The following MTUS2 variants were observed in gnomAD, a reference collection of about 807,000 sequenced individuals.
MTUS2 encodes microtubule-associated tumor suppressor candidate 2.
A neutral mutation model predicts 114.1 loss-of-function variants in MTUS2; 40 were observed. That is an observed-to-expected ratio of 0.35 (90% CI 0.27 to 0.46). The LOEUF (loss-of-function observed/expected upper bound fraction) is 0.46, where lower values mean the gene tolerates loss of function less well. MTUS2 is among the 20% of genes least tolerant of loss of function. The pLI, the probability that MTUS2 is intolerant of heterozygous loss-of-function variation, is 1.00. For synonymous variants in MTUS2, 688 were observed against 672.0 expected (o/e 1.02, Z -0.37); for missense variants, 1,679 against 1,705.4 (o/e 0.98, Z 0.27).
intron 2 of MTUS2, among the ~76,000 whole-genome samples, chr13:28,938,639 A>G (rs1357972643): frequency 6.6e-6 from 1 of 152,116 alleles, no homozygotes. Context: ...AGATGCCCCC[A>G]AATTCTCTGT....
At chr13:28,973,492 A>G (rs1442402005) in intron 2 of MTUS2, among the ~76,000 whole-genome samples, 1 of 152,250 alleles carries the variant, frequency 6.6e-6, no homozygotes, top group East Asian at 1.9e-4. Context: ...CTGTTGGGTC[A>G]CAGGATATAT....
Position 28,830,725 on chromosome 13 carries a change from G to A in MTUS2, c.-315-9053G>A, listed in dbSNP as rs962504112. Among the ~76,000 whole-genome samples, 49 of 152,044 alleles carry A rather than the reference G, an allele frequency of 3.2e-4. 2 individuals carry two copies. Among genetic ancestry groups the A allele is most frequent in the Admixed American group, 2.0e-4 (3 of 15,256 alleles). ...AAAAGGAAAAGAATGAGAGTAAGGG[G>A]ACAGAAAGATTACTTGAGGAAATAA... On this transcript the variant is annotated intron_variant, in intron 1 of 15. Coordinates refer to ENST00000612955, the MANE Select transcript of MTUS2 (RefSeq NM_001033602.4).
At chr13:29,460,327 A>T (rs148876794) in intron 9 of MTUS2, among the ~76,000 whole-genome samples, 21 of 151,966 alleles carry the variant, frequency 1.4e-4, no homozygotes, top group African/African-American at 4.6e-4. Flanking sequence ...CTCCACTCCA[A>T]TCATAATGGC....
chr13:29,238,466 T>A (rs973382611), intron 5 of MTUS2, among the ~76,000 whole-genome samples: 3 of 152,054 alleles, frequency 2.0e-5, no homozygotes, highest in Admixed American at 6.5e-5. Flanking sequence ...CGGCCAAAGG[T>A]CCAAGAGCCC....
chr13:29,327,678 CTT>C (rs1900584729), intron 7 of MTUS2, among the ~76,000 whole-genome samples: 5 of 151,898 alleles, frequency 3.3e-5, no homozygotes, highest in Non-Finnish European at 7.4e-5. Flanking sequence ...AAAGCCAAAT[CTT>C]TGTACAAATG....
chr13:28,934,713 G>C (rs1881798402), intron 2 of MTUS2, among the ~76,000 whole-genome samples: 1 of 152,124 alleles, frequency 6.6e-6, no homozygotes, highest in Non-Finnish European at 1.5e-5. Context: ...AGTAGAGATG[G>C]GGTTTCTCCA....
chr13:29,223,969 G>A (rs1443024471), intron 5 of MTUS2, among the ~76,000 whole-genome samples: 1 of 152,240 alleles, frequency 6.6e-6, no homozygotes, highest in Non-Finnish European at 1.5e-5. Flanking sequence ...ACCTGGAGCT[G>A]TCTGCCCTGC....
At chr13:29,389,399 A>ATGTATACACGTGTGTGTATGTG (rs1555272437) in intron 8 of MTUS2, among the ~76,000 whole-genome samples, 1 of 67,982 alleles carries the variant, frequency 1.5e-5, no homozygotes, top group African/African-American at 7.7e-5. Flanking sequence ...GTGTGTGTAT[A>ATGTATACACGTGTGTGTATGTG]TATGTATACA....
chr13:29,227,446 G>C (rs546702473), intron 5 of MTUS2, among the ~76,000 whole-genome samples: 1 of 152,270 alleles, frequency 6.6e-6, no homozygotes, highest in South Asian at 2.1e-4. Context: ...GGGGCTCGCT[G>C]TCTTAAGCTG....
chr13:29,375,624 TATATATATATATATACACAC>T (rs1566163765), intron 8 of MTUS2, among the ~76,000 whole-genome samples: 23,281 of 38,290 alleles, frequency 0.61, 8,456 homozygotes, highest in East Asian at 0.78. Flanking sequence ...TATATATATA[TATATATATATATATACACAC>T]ACCATGAAAT....
intron 9 of MTUS2, among the ~76,000 whole-genome samples, chr13:29,441,249 A>T (rs1877837545): frequency 6.6e-6 from 1 of 152,046 alleles, no homozygotes; most frequent in Non-Finnish European, 1.5e-5. Context: ...TTCTTCCAAC[A>T]GTCGGCTAGG....
chr13:29,212,566 T>C (rs1895489499), intron 5 of MTUS2, among the ~76,000 whole-genome samples: 2 of 152,240 alleles, frequency 1.3e-5, no homozygotes, highest in African/African-American at 4.8e-5. Context: ...CACTTCTGTC[T>C]GACTTGGCTA....
At chr13:29,210,849 C>CT (rs35244562) in intron 5 of MTUS2, among the ~76,000 whole-genome samples, 81,661 of 151,926 alleles carry the variant, frequency 0.54, 22,239 homozygotes, top group Non-Finnish European at 0.56. Flanking sequence ...GAAATGGACT[C>CT]TGAGAGAGTC....
At chr13:29,502,484 A>G (rs1775545200) in intron 15 of MTUS2, among the ~76,000 whole-genome samples, 1 of 152,194 alleles carries the variant, frequency 6.6e-6, no homozygotes, top group Non-Finnish European at 1.5e-5. Context: ...AGACCCCTAG[A>G]GCAGCATTTC....
intron 4 of MTUS2, among the ~76,000 whole-genome samples, chr13:29,055,633 C>T (rs1888099282): frequency 6.6e-6 from 1 of 152,088 alleles, no homozygotes; most frequent in Non-Finnish European, 1.5e-5. Context: ...TTATCTGTTT[C>T]TGCAAAGGAA....
intron 3 of MTUS2, among the ~76,000 whole-genome samples, chr13:29,029,764 G>A (rs1886729468): frequency 6.6e-6 from 1 of 152,174 alleles, no homozygotes; most frequent in Non-Finnish European, 1.5e-5. Context: ...TGAGAGATGA[G>A]CAAGAGGGGA....
At chr13:29,429,706 C>A (rs79647627) in intron 8 of MTUS2, among the ~76,000 whole-genome samples, 3,407 of 152,262 alleles carry the variant, frequency 0.022, 121 homozygotes, top group African/African-American at 0.077. Flanking sequence ...ATTTGGATTT[C>A]TACAAGATGC....
intron 2 of MTUS2, among the ~76,000 whole-genome samples, chr13:28,885,697 A>T (rs1401339325): frequency 6.6e-6 from 1 of 152,238 alleles, no homozygotes; most frequent in East Asian, 1.9e-4. Context: ...TTAAAGGTGA[A>T]TATTCAACAC....
chr13:29,440,011 A>T lies in MTUS2; in HGVS notation c.3146A>T (p.Glu1049Val). The T allele has an allele frequency of 6.3e-7, 1 of 1,589,382 alleles. No individual in the cohort carries two copies. Among genetic ancestry groups the T allele is most frequent in the East Asian group, 2.3e-5 (1 of 44,434 alleles). The part of the protein sequence containing the change: ...KNESALVKEK[E>V]LSIELANIRD... ...GAAAGTGCCCTTGTGAAAGAAAAAG[A>T]GCTGTCAATCGAACTTGCAAACATC... Residue 1049 changes from glutamate (E) to valine (V), a missense_variant, in exon 9 of 16, where the codon GAG (glutamate) becomes GTG (valine). Around this residue, in one of 3 missense-constraint regions of MTUS2, gnomAD observed 822 missense variants for 899.7 expected, o/e 0.91. Coordinates refer to ENST00000612955, the MANE Select transcript of MTUS2 (RefSeq NM_001033602.4).
Sources: allele counts gnomAD v4.1 joint callset (sites outside exome capture counted in the v4.1 genomes callset), GRCh38; gene constraint gnomAD v4.1.1; regional missense constraint gnomAD v4.1.1; transcripts MANE v1.5; gene names NCBI Gene and HGNC (gene_info 2026-07-23, HGNC 2026-07-21).